ARHGAP28: variants seen among roughly 807,000 people sequenced by gnomAD.
ARHGAP28 encodes rho GTPase-activating protein 28.
In ARHGAP28, 56 loss-of-function variants were observed where a neutral mutation model predicts 90.7. The observed-to-expected ratio is 0.62, with a 90% CI of 0.50 to 0.77. The LOEUF is 0.77. Among genes scored for constraint, ARHGAP28 ranks in the 30% least tolerant of loss-of-function variants. The pLI is 0.00. For synonymous variants in ARHGAP28, 308 were observed against 323.3 expected, an observed-to-expected ratio of 0.95 and a Z score of 0.51; for missense variants, 869 against 900.9, an observed-to-expected ratio of 0.96 and a Z score of 0.45.
chr18:6,734,981 T>G (rs943247943), intron 1 of ARHGAP28, among the ~76,000 whole-genome samples: 2 of 152,220 alleles, frequency 1.3e-5, no homozygotes, highest in Non-Finnish European at 2.9e-5. Flanking sequence ...ACATTTCCTT[T>G]GATGGTATCA....
At chr18:6,742,186 C>CA (rs2055984684) in intron 1 of ARHGAP28, among the ~76,000 whole-genome samples, 1 of 109,278 alleles carries the variant, frequency 9.2e-6, no homozygotes, top group Non-Finnish European at 2.1e-5. Context: ...TTTTTTTTGA[C>CA]AGAGTTTTTT....
intron 7 of ARHGAP28, among the ~76,000 whole-genome samples, chr18:6,871,397 A>G (rs2057088448): frequency 6.6e-6 from 1 of 152,232 alleles, no homozygotes; most frequent in Non-Finnish European, 1.5e-5. Flanking sequence ...TATAAGCCAC[A>G]TATCAGAAGA....
intron 1 of ARHGAP28, among the ~76,000 whole-genome samples, chr18:6,730,531 A>G (rs1395704738): frequency 3.3e-5 from 5 of 152,180 alleles, no homozygotes; most frequent in African/African-American, 7.2e-5. Context: ...TGTCAACTCT[A>G]TGCTGTCAAT....
intron 1 of ARHGAP28, among the ~76,000 whole-genome samples, chr18:6,808,933 C>A (rs1455476666): frequency 6.6e-6 from 1 of 152,104 alleles, no homozygotes; most frequent in African/African-American, 2.4e-5. Context: ...GTCAAGGGGA[C>A]CCCCATGCCA....
At chr18:6,825,823 A>G (rs1454981699) in intron 2 of ARHGAP28, among the ~76,000 whole-genome samples, 1 of 152,192 alleles carries the variant, frequency 6.6e-6, no homozygotes, top group Non-Finnish European at 1.5e-5. Context: ...CCCATCTTGT[A>G]TATGTATCAC....
intron 1 of ARHGAP28, among the ~76,000 whole-genome samples, chr18:6,817,158 A>AT (rs1388239898): frequency 2.6e-5 from 4 of 151,880 alleles, no homozygotes; most frequent in Non-Finnish European, 5.9e-5. Context: ...TACTAAAAAA[A>AT]CAAAAATTAG....
intron 5 of ARHGAP28, among the ~76,000 whole-genome samples, chr18:6,866,698 A>G (rs1356752684): frequency 1.3e-5 from 2 of 152,198 alleles, no homozygotes; most frequent in Non-Finnish European, 2.9e-5. Flanking sequence ...TGCTTCCCCC[A>G]AGAAAGTCCC....
chr18:6,770,074 T>C (rs534154477), intron 1 of ARHGAP28, among the ~76,000 whole-genome samples: 1 of 152,290 alleles, frequency 6.6e-6, no homozygotes, highest in African/African-American at 2.4e-5. Flanking sequence ...AAACAACAGA[T>C]GGCAGCAAGG....
intron 1 of ARHGAP28, among the ~76,000 whole-genome samples, chr18:6,738,759 T>C (rs1352859691): frequency 6.6e-6 from 1 of 152,020 alleles, no homozygotes; most frequent in African/African-American, 2.4e-5. Flanking sequence ...TGGCAAGAGA[T>C]AAAAAGCAGA....
At chr18:6,795,448 G>A (rs1018309807) in intron 1 of ARHGAP28, among the ~76,000 whole-genome samples, 1 of 152,154 alleles carries the variant, frequency 6.6e-6, no homozygotes, top group Non-Finnish European at 1.5e-5. Context: ...GCTGCAGCCT[G>A]GGCCTCACAC....
At chr18:6,753,827 G>T (rs767540588) in intron 1 of ARHGAP28, among the ~76,000 whole-genome samples, 3 of 152,104 alleles carry the variant, frequency 2.0e-5, no homozygotes, top group Non-Finnish European at 2.9e-5. Flanking sequence ...AGTAAATATG[G>T]CCTCTGCCCA....
At chr18:6,910,969 G>A (rs12967230) in intron 17 of ARHGAP28, among the ~76,000 whole-genome samples, 119,955 of 151,150 alleles carry the variant, frequency 0.79, 48,007 homozygotes, top group Non-Finnish European at 0.86. Flanking sequence ...CTCAGCCTCC[G>A]GAGTAGCTGG....
intron 1 of ARHGAP28, among the ~76,000 whole-genome samples, chr18:6,792,237 T>G (rs1009048789): frequency 1.3e-5 from 2 of 152,244 alleles, no homozygotes; most frequent in African/African-American, 4.8e-5. Context: ...ACTGTCATGA[T>G]GGTTTCATGT....
In ARHGAP28 at chr18:6,894,829, T is replaced by G. The variant is rs1346869138; in HGVS notation, c.1849-6T>G. On this transcript the variant is annotated splice_polypyrimidine_tract_variant and splice_region_variant and intron_variant, in intron 14 of 17. Coordinates refer to ENST00000383472, the MANE Select transcript of ARHGAP28 (RefSeq NM_001366230.1). ...ACATTACTCCTAAAGACTGTGTTTC[T>G]TTTAGACTGCAAGCCCCAAGACTTC... 1 of 1,613,834 alleles carries G rather than the reference T, an allele frequency of 6.2e-7. No individual in the cohort carries two copies. The highest frequency in any genetic ancestry group is 1.6e-4 in the Middle Eastern group (1 of 6,062).
At chr18:6,800,476 T>C (rs2056473837) in intron 1 of ARHGAP28, among the ~76,000 whole-genome samples, 1 of 152,126 alleles carries the variant, frequency 6.6e-6, no homozygotes, top group South Asian at 2.1e-4. Context: ...ACATCAGTGA[T>C]AGACTAGATA....
chr18:6,848,627 T>C (rs12454957), intron 3 of ARHGAP28, among the ~76,000 whole-genome samples: 108,485 of 152,140 alleles, frequency 0.71, 38,882 homozygotes, highest in East Asian at 0.84. Flanking sequence ...TATGAAATGA[T>C]TTTACATCGG....
intron 4 of ARHGAP28, among the ~76,000 whole-genome samples, chr18:6,854,999 C>T (rs2056941584): frequency 6.6e-6 from 1 of 152,182 alleles, no homozygotes; most frequent in Non-Finnish European, 1.5e-5. Flanking sequence ...TGGCCCCCCT[C>T]AGAACTTTGG....
intron 14 of ARHGAP28, among the ~76,000 whole-genome samples, chr18:6,894,487 C>T (rs1266326819): frequency 6.6e-6 from 1 of 152,208 alleles, no homozygotes; most frequent in Non-Finnish European, 1.5e-5. Context: ...TTATATCAGT[C>T]CACAAAGCCA....
rs1201000846 is a variant in ARHGAP28, at chr18:6,830,774, C to T, written c.325+5810C>T. On this transcript the variant is annotated intron_variant, in intron 2 of 17. Transcript: ENST00000383472. ...TACCAGGATTTAAGACTTCAACATA[C>T]GTTTTTGGGGAACATAACTCAACCC... Among the ~76,000 whole-genome samples, 9 of 152,128 alleles carry T rather than the reference C, an allele frequency of 5.9e-5. No individual in the cohort carries two copies. The East Asian group carries it at 1.3e-3, about 23-fold the overall frequency.
Sources: gnomAD v4.1 joint callset for allele counts (sites outside exome capture counted in the v4.1 genomes callset) on GRCh38, gnomAD v4.1.1 for gene constraint, MANE v1.5 for transcripts, NCBI Gene and HGNC (gene_info 2026-07-23, HGNC 2026-07-21) for gene names.